TPST1: variants seen among roughly 807,000 people sequenced by gnomAD.
The protein encoded by TPST1 is tyrosylprotein sulfotransferase 1.
TPST1 carries 20 observed loss-of-function variants against 34.8 expected under a neutral mutation model. That is an observed-to-expected ratio of 0.57 (90% CI 0.40 to 0.84). The LOEUF is 0.84. Ranked by LOEUF, TPST1 falls within the 40% of genes least tolerant of loss-of-function variation. The pLI is 0.00. For synonymous variants in TPST1, 152 were observed against 159.4 expected (o/e 0.95, Z 0.35); for missense variants, 353 against 455.5 (o/e 0.78, Z 2.05).
At chr7:66,296,811 T>C (rs960469064) in intron 3 of TPST1, among the ~76,000 whole-genome samples, 4 of 151,564 alleles carry the variant, frequency 2.6e-5, no homozygotes, top group Non-Finnish European at 4.4e-5. Context: ...ACATAGTAAA[T>C]TGGTAATGAA....
chr7:66,346,459 T>C (rs1459161410), intron 3 of TPST1, among the ~76,000 whole-genome samples: 2 of 152,182 alleles, frequency 1.3e-5, no homozygotes, highest in Non-Finnish European at 2.9e-5. Context: ...TGTACCAGGG[T>C]TCCCTTTTCT....
At chr7:66,265,156 T>C (rs553242928) in intron 2 of TPST1, among the ~76,000 whole-genome samples, 4 of 152,260 alleles carry the variant, frequency 2.6e-5, no homozygotes, top group African/African-American at 4.8e-5. Flanking sequence ...GAAATATAAA[T>C]AGAGCCTAAA....
At chr7:66,231,057 G>A (rs34848025) in intron 1 of TPST1, among the ~76,000 whole-genome samples, 4 of 151,080 alleles carry the variant, frequency 2.6e-5, no homozygotes, top group African/African-American at 9.8e-5. Flanking sequence ...ACAGAGTGCC[G>A]ATTGGTGTAT....
At chr7:66,320,863 G>T (rs1476951304) in intron 3 of TPST1, among the ~76,000 whole-genome samples, 1 of 152,164 alleles carries the variant, frequency 6.6e-6, no homozygotes, top group East Asian at 1.9e-4. Context: ...CTCCCAAAGT[G>T]CTGGGATTAC....
At position 66,358,437 on chromosome 7, in the gene TPST1, G is replaced by GAT. The variant is rs774789464; in HGVS notation, c.*30-1448_*30-1447dup. 1.5e-4 allele frequency among the ~76,000 whole-genome samples: 23 copies of GAT among 150,638 alleles called. No individual in the cohort carries two copies. The East Asian group carries it at 1.7e-3, about 11-fold the overall frequency. ...GATTTTATTTGCATATATATAAGAT[G>GAT]ATATATATATAACAGATACGCTAAA... On this transcript the variant is annotated intron_variant, in intron 5 of 5. Coordinates refer to ENST00000304842, the MANE Select transcript of TPST1 (RefSeq NM_003596.4).
At chr7:66,264,392 G>A (rs1446258615) in intron 2 of TPST1, among the ~76,000 whole-genome samples, 1 of 152,190 alleles carries the variant, frequency 6.6e-6, no homozygotes, top group East Asian at 1.9e-4. Flanking sequence ...ACCTCTCGCT[G>A]ATCTTGAGGC....
At chr7:66,241,747 G>A (rs1053355389) in intron 2 of TPST1, among the ~76,000 whole-genome samples, 5 of 152,142 alleles carry the variant, frequency 3.3e-5, no homozygotes, top group African/African-American at 1.2e-4. Context: ...AATTTTTAGT[G>A]GTAGAGAAAA....
intron 1 of TPST1, among the ~76,000 whole-genome samples, chr7:66,214,375 AT>A (rs1379760199): frequency 6.6e-6 from 1 of 150,824 alleles, no homozygotes; most frequent in African/African-American, 2.4e-5. Flanking sequence ...ATATTTACTA[AT>A]TTTTTTGTAA....
intron 1 of TPST1, among the ~76,000 whole-genome samples, chr7:66,236,987 T>G (rs768697688): frequency 6.6e-6 from 1 of 152,178 alleles, no homozygotes; most frequent in Non-Finnish European, 1.5e-5. Context: ...ATACAAAGTT[T>G]AGGCTTTTTC....
At chr7:66,355,256 G>A (rs1183288049) in intron 4 of TPST1, among the ~76,000 whole-genome samples, 1 of 148,360 alleles carries the variant, frequency 6.7e-6, no homozygotes, top group Admixed American at 6.7e-5. Flanking sequence ...GCTGGATCAC[G>A]AGGGCAGGAG....
chr7:66,240,303 A>AT (rs1247744406), intron 1 of TPST1, 22 bp from the exon 2 acceptor site: 2 of 1,214,602 alleles, frequency 1.6e-6, no homozygotes, highest in Non-Finnish European at 2.2e-6. Context: ...AATGATAAAT[A>AT]ACCTTTTCCT....
intron 2 of TPST1, among the ~76,000 whole-genome samples, chr7:66,255,889 A>G (rs1361192960): frequency 1.3e-5 from 2 of 152,186 alleles, no homozygotes; most frequent in Non-Finnish European, 2.9e-5. Flanking sequence ...TGATTCATGA[A>G]GCAGTACAGT....
rs554925742 is a variant in TPST1 at position 66,236,231 on chromosome 7, T to C, written c.-101-4094T>C. 3.9e-5 allele frequency among the ~76,000 whole-genome samples: 6 copies of C among 152,238 alleles called. No homozygotes were observed. The South Asian group carries it at 1.2e-3, about 32-fold the overall frequency. On this transcript the variant is annotated intron_variant, in intron 1 of 5. Transcript: ENST00000304842. ...CAAGTATGAGGGTGTAATTCAATAA[T>C]TTTTTAGTAGATTTTATAGGGTTGT...
intron 3 of TPST1, among the ~76,000 whole-genome samples, chr7:66,309,822 T>TA (rs938946310): frequency 7.9e-6 from 1 of 126,532 alleles, no homozygotes; most frequent in African/African-American, 3.2e-5. Flanking sequence ...TAGCCAGTGA[T>TA]ACATAAGGAG....
At chr7:66,329,810 G>A (rs1791961560) in intron 3 of TPST1, among the ~76,000 whole-genome samples, 1 of 152,142 alleles carries the variant, frequency 6.6e-6, no homozygotes, top group Admixed American at 6.6e-5. Context: ...TTTGGATGGC[G>A]CTTGAGGCCA....
At chr7:66,217,343 T>A (rs1288212231) in intron 1 of TPST1, among the ~76,000 whole-genome samples, 2 of 152,208 alleles carry the variant, frequency 1.3e-5, no homozygotes, top group Admixed American at 6.5e-5. Context: ...TTCTGTCAGT[T>A]TTTGCTTCAT....
intron 3 of TPST1, among the ~76,000 whole-genome samples, chr7:66,314,517 A>G (rs1791595191): frequency 6.6e-6 from 1 of 152,242 alleles, no homozygotes; most frequent in Middle Eastern, 3.2e-3. Context: ...TGTCTCAAAA[A>G]TAAATAAATT....
intron 1 of TPST1, chr7:66,221,684 T>A (rs1789546663): frequency 1.3e-5 from 2 of 152,178 alleles, no homozygotes; most frequent in Admixed American, 1.3e-4. Flanking sequence ...GTGCTGTAAA[T>A]TAATCTTTGG....
At chr7:66,309,909 TA>T (rs945120931) in intron 3 of TPST1, among the ~76,000 whole-genome samples, 91 of 149,426 alleles carry the variant, frequency 6.1e-4, no homozygotes, top group African/African-American at 2.0e-3. Flanking sequence ...ACAATTCTTT[TA>T]AAAAAAAAAC....
Sources: allele counts gnomAD v4.1 joint callset (sites outside exome capture counted in the v4.1 genomes callset), GRCh38; gene constraint gnomAD v4.1.1; transcripts MANE v1.5; gene names NCBI Gene and HGNC (gene_info 2026-07-23, HGNC 2026-07-21).